The following RGS7 variants were observed in gnomAD, a reference collection of about 807,000 sequenced individuals.
RGS7 encodes the protein regulator of G-protein signaling 7.
In RGS7, 27 loss-of-function variants were observed where a neutral mutation model predicts 81.1. The observed-to-expected ratio is 0.33, with a 90% CI of 0.25 to 0.46. The LOEUF (loss-of-function observed/expected upper bound fraction) is 0.46, where lower values mean the gene tolerates loss of function less well. Ranked by LOEUF, RGS7 falls within the 20% of genes least tolerant of loss-of-function variation. The probability of loss-of-function intolerance (pLI) is 1.00; values close to 1 mark genes in which losing one functional copy is unlikely to be tolerated. For synonymous variants in RGS7, 208 were observed against 207.7 expected (o/e 1.00, Z -0.01); for missense variants, 396 against 607.4 (o/e 0.65, Z 3.66).
intron 2 of RGS7, among the ~76,000 whole-genome samples, chr1:241,208,382 C>T (rs900685212): frequency 6.6e-6 from 1 of 152,190 alleles, no homozygotes; most frequent in African/African-American, 2.4e-5. Context: ...CGGAACCACA[C>T]CACGACACTG....
intron 13 of RGS7, among the ~76,000 whole-genome samples, chr1:240,813,367 T>C (rs1690219096): frequency 6.6e-6 from 1 of 152,358 alleles, no homozygotes; most frequent in South Asian, 2.1e-4. Flanking sequence ...ATCCTAACTC[T>C]GACTAATTGC....
intron 2 of RGS7, among the ~76,000 whole-genome samples, chr1:241,315,810 T>C (rs750568643): frequency 6.6e-5 from 10 of 152,218 alleles, no homozygotes; most frequent in Non-Finnish European, 1.3e-4. Context: ...TTTTTTACCA[T>C]TGAGTGTGAT....
At chr1:241,294,794 G>C (rs894577250) in intron 2 of RGS7, among the ~76,000 whole-genome samples, 5 of 152,156 alleles carry the variant, frequency 3.3e-5, no homozygotes, top group Admixed American at 6.5e-5. Flanking sequence ...GTATTCAAGA[G>C]AGCAATACGC....
At chr1:241,323,478 T>G (rs973158392) in intron 2 of RGS7, among the ~76,000 whole-genome samples, 2 of 152,212 alleles carry the variant, frequency 1.3e-5, no homozygotes, top group African/African-American at 4.8e-5. Flanking sequence ...AATCAGCCCA[T>G]GCACACACAA....
chr1:241,115,226 T>C (rs2065807141), intron 2 of RGS7, among the ~76,000 whole-genome samples: 1 of 152,146 alleles, frequency 6.6e-6, no homozygotes. Context: ...ATTCCCACCT[T>C]TGCACTGGAA....
At chr1:241,016,700 T>C (rs1332404155) in intron 3 of RGS7, among the ~76,000 whole-genome samples, 3 of 152,206 alleles carry the variant, frequency 2.0e-5, no homozygotes, top group Non-Finnish European at 2.9e-5. Context: ...ACTTCTGTCA[T>C]GTAGCATTTA....
chr1:240,959,138 A>G (rs1476206850), intron 4 of RGS7, among the ~76,000 whole-genome samples: 1 of 152,256 alleles, frequency 6.6e-6, no homozygotes, highest in Non-Finnish European at 1.5e-5. Flanking sequence ...GATACTGGAT[A>G]TGACTAAAGT....
intron 6 of RGS7, among the ~76,000 whole-genome samples, chr1:240,909,767 C>T (rs910349600): frequency 2.6e-5 from 4 of 152,236 alleles, no homozygotes; most frequent in Non-Finnish European, 5.9e-5. Context: ...ACACAGTTGA[C>T]TTAACCTTTT....
At chr1:241,324,903 G>T (rs549546914) in intron 2 of RGS7, among the ~76,000 whole-genome samples, 3 of 152,282 alleles carry the variant, frequency 2.0e-5, no homozygotes, top group Non-Finnish European at 4.4e-5. Flanking sequence ...TGGTCATAGA[G>T]TATTCTGTAT....
chr1:240,798,756 T>C (rs1224960871), intron 18 of RGS7, among the ~76,000 whole-genome samples: 8 of 152,204 alleles, frequency 5.3e-5, no homozygotes, highest in Non-Finnish European at 8.8e-5. Context: ...GCCTGGTACA[T>C]GGCAGATATT....
chr1:241,202,011 G>GAC (rs60399497), intron 2 of RGS7, among the ~76,000 whole-genome samples: 16,992 of 144,840 alleles, frequency 0.12, 1,179 homozygotes, highest in East Asian at 0.36. Flanking sequence ...GACACACACA[G>GAC]ACACACACAC....
At chr1:241,223,425 C>T (rs555114687) in intron 2 of RGS7, among the ~76,000 whole-genome samples, 2 of 152,242 alleles carry the variant, frequency 1.3e-5, no homozygotes, top group South Asian at 2.1e-4. Context: ...GCTCAGATAC[C>T]TGAAATATTG....
At position 240,843,991 on chromosome 1, in the gene RGS7, T is replaced by C. The variant is rs2147894368; in HGVS notation, c.610-16819A>G. ...TTCTGGCAGACTGAGCCCATGTTGT[T>C]AGCTCAGCCAGCCCCTCAAAGCCTG... On this transcript the variant is annotated intron_variant, in intron 9 of 18. Transcript: ENST00000440928. Among the ~76,000 whole-genome samples the C allele has an allele frequency of 1.3e-5, 2 of 152,322 alleles. 1 individual carries two copies. Among genetic ancestry groups the C allele is most frequent in the South Asian group, 4.1e-4 (2 of 4,820 alleles).
At chr1:240,821,000 A>C (rs1242900080) in intron 10 of RGS7, among the ~76,000 whole-genome samples, 1 of 152,162 alleles carries the variant, frequency 6.6e-6, no homozygotes, top group East Asian at 1.9e-4. Context: ...TAGAGAACAG[A>C]TTGTGACCAT....
chr1:241,033,078 G>C (rs1269761098), intron 3 of RGS7, among the ~76,000 whole-genome samples: 1 of 152,204 alleles, frequency 6.6e-6, no homozygotes, highest in East Asian at 1.9e-4. Flanking sequence ...AAAGGGGGCT[G>C]GGTGCGGTAG....
chr1:240,982,466 A>G (rs2148556043), intron 4 of RGS7, among the ~76,000 whole-genome samples: 1 of 150,936 alleles, frequency 6.6e-6, no homozygotes, highest in East Asian at 1.9e-4. Context: ...AATGCTTTGC[A>G]TATGTAGGAT....
intron 2 of RGS7, among the ~76,000 whole-genome samples, chr1:241,352,153 C>T (rs879276556): frequency 1.4e-4 from 21 of 152,254 alleles, no homozygotes; most frequent in African/African-American, 2.2e-4. Flanking sequence ...CGACCAAAAA[C>T]GGGGGTAGTG....
At chr1:240,780,716 C>T (rs1005513778) in intron 18 of RGS7, among the ~76,000 whole-genome samples, 1 of 151,842 alleles carries the variant, frequency 6.6e-6, no homozygotes, top group Non-Finnish European at 1.5e-5. Context: ...GAGATCGAGA[C>T]TATCCTGGCC....
chr1:240,778,090 A>G (rs1683279146), intron 18 of RGS7, among the ~76,000 whole-genome samples: 2 of 143,328 alleles, frequency 1.4e-5, no homozygotes, highest in African/African-American at 5.2e-5. Context: ...GACTCCTAAT[A>G]CCATCACCTT....
Sources: gnomAD v4.1 joint callset for allele counts (sites outside exome capture counted in the v4.1 genomes callset) on GRCh38, gnomAD v4.1.1 for gene constraint, MANE v1.5 for transcripts, NCBI Gene and HGNC (gene_info 2026-07-23, HGNC 2026-07-21) for gene names.